The following DTNB variants were observed in gnomAD, a reference collection of about 807,000 sequenced individuals.
DTNB encodes the protein DTN-B.
A neutral mutation model predicts 90.7 loss-of-function variants in DTNB; 63 were observed. The observed-to-expected ratio is 0.69, with a 90% CI of 0.57 to 0.86. DTNB has a LOEUF of 0.86. DTNB is among the 40% of genes least tolerant of loss of function. The pLI is 0.00. For missense variants in DTNB, 744 were observed against 807.1 expected (o/e 0.92, Z 0.95); for synonymous variants, 277 against 286.7 (o/e 0.97, Z 0.34).
intron 2 of DTNB, among the ~76,000 whole-genome samples, chr2:25,642,067 G>A (rs146668033): frequency 0.014 from 2,112 of 152,156 alleles, 30 homozygotes; most frequent in African/African-American, 0.048. Flanking sequence ...TGATCCACCC[G>A]CCTCAGCCTC....
intron 9 of DTNB, among the ~76,000 whole-genome samples, chr2:25,485,158 C>CTA (rs1009764545): frequency 2.0e-5 from 3 of 151,822 alleles, no homozygotes; most frequent in Admixed American, 6.6e-5. Flanking sequence ...CAGTTACCTG[C>CTA]TATATATATA....
At chr2:25,421,894 G>C (rs902074673) in intron 15 of DTNB, among the ~76,000 whole-genome samples, 4 of 152,226 alleles carry the variant, frequency 2.6e-5, no homozygotes, top group African/African-American at 9.7e-5. Flanking sequence ...GGTTAGGCTG[G>C]GGACAGTGGG....
intron 16 of DTNB, among the ~76,000 whole-genome samples, chr2:25,408,328 G>A (rs548560212): frequency 2.0e-5 from 3 of 148,088 alleles, no homozygotes; most frequent in South Asian, 2.1e-4. Flanking sequence ...AAAAGAGTTC[G>A]AGACCAGCTT....
intron 8 of DTNB, among the ~76,000 whole-genome samples, chr2:25,575,607 T>C (rs1572822023): frequency 6.6e-6 from 1 of 151,144 alleles, no homozygotes; most frequent in African/African-American, 2.4e-5. Flanking sequence ...TTTTCCTTTT[T>C]TCTTTAATTC....
At chr2:25,461,940 G>A (rs560015760) in intron 10 of DTNB, among the ~76,000 whole-genome samples, 68 of 152,328 alleles carry the variant, frequency 4.5e-4, no homozygotes, top group African/African-American at 1.6e-3. Flanking sequence ...AACACTCCGT[G>A]AGGCTCCGTG....
At chr2:25,660,645 C>T (rs893653540) in intron 1 of DTNB, among the ~76,000 whole-genome samples, 1 of 152,016 alleles carries the variant, frequency 6.6e-6, no homozygotes, top group Admixed American at 6.5e-5. Context: ...CTAAGGTAAT[C>T]GTTTTCACTA....
chr2:25,627,360 C>T (rs1252723305), intron 4 of DTNB, among the ~76,000 whole-genome samples: 1 of 151,388 alleles, frequency 6.6e-6, no homozygotes, highest in Non-Finnish European at 1.5e-5. Context: ...AGTGGTGAGC[C>T]GAGCTTGCAC....
At chr2:25,564,825 G>A (rs2151227682) in intron 8 of DTNB, among the ~76,000 whole-genome samples, 1 of 152,176 alleles carries the variant, frequency 6.6e-6, no homozygotes, top group Middle Eastern at 3.4e-3. Flanking sequence ...ATTGTTCATT[G>A]TCAATATAGA....
rs932518163 is a variant in DTNB at position 25,387,808 on chromosome 2, C to T, written c.1735+394G>A. 3.0e-4 allele frequency among the ~76,000 whole-genome samples: 45 copies of T among 152,216 alleles called. No homozygotes were observed. Among genetic ancestry groups the T allele is most frequent in the African/African-American group, 1.0e-3 (42 of 41,458 alleles). The stretch of plus-strand genomic sequence containing the variant: ...TAATACTGCTGGTCACCAGCTCCCC[C>T]GATGACTGTGACAATGGCGTGCATA... On this transcript the variant is annotated intron_variant, in intron 17 of 20. Coordinates refer to ENST00000406818, the MANE Select transcript of DTNB (RefSeq NM_021907.5). This position sits in a 1 kb window ranked among gnomAD's most constrained non-coding sequence, Gnocchi z 4.5.
At position 25,583,943 on chromosome 2, in the gene DTNB, G is replaced by A. The variant is rs550793870; in HGVS notation, c.604-3117C>T. Among the ~76,000 whole-genome samples, 18 of 152,092 alleles carry A rather than the reference G, an allele frequency of 1.2e-4. No homozygotes were observed. In the South Asian group the frequency reaches 3.5e-3, roughly 30 times the overall value. The stretch of plus-strand genomic sequence containing the variant: ...ATTGTCCTAAAGTCACACCATATAT[G>A]ACGTTTTCCAAAAACATGAGGAATG... On this transcript the variant is annotated intron_variant, in intron 6 of 20. Transcript: ENST00000406818.
chr2:25,455,860 C>T (rs959720458), intron 10 of DTNB, among the ~76,000 whole-genome samples: 3 of 152,222 alleles, frequency 2.0e-5, no homozygotes, highest in Admixed American at 6.5e-5. Flanking sequence ...TGAGGCACAG[C>T]CAATCTACTA....
intron 2 of DTNB, among the ~76,000 whole-genome samples, chr2:25,642,627 G>A (rs1476080993): frequency 6.6e-6 from 1 of 151,904 alleles, no homozygotes; most frequent in Non-Finnish European, 1.5e-5. Flanking sequence ...GCCCAGGCTG[G>A]TCTTGAACTC....
intron 10 of DTNB, among the ~76,000 whole-genome samples, chr2:25,465,405 A>T (rs1023009204): frequency 3.3e-5 from 5 of 152,148 alleles, no homozygotes; most frequent in African/African-American, 9.6e-5. Flanking sequence ...AAAGAAACAA[A>T]GGAAGGGGTA....
intron 4 of DTNB, among the ~76,000 whole-genome samples, chr2:25,616,950 A>AAC (rs2070857327): frequency 7.6e-6 from 1 of 131,644 alleles, no homozygotes; most frequent in Non-Finnish European, 1.6e-5. Context: ...AAAAAAAAAA[A>AAC]AAGGAAAAAA....
intron 1 of DTNB, among the ~76,000 whole-genome samples, chr2:25,659,831 G>A (rs1559420083): frequency 4.0e-5 from 6 of 151,656 alleles, no homozygotes; most frequent in African/African-American, 1.5e-4. Context: ...AAAAGACAAG[G>A]AAACACTTAC....
chr2:25,500,208 T>C (rs1338691933), intron 9 of DTNB, among the ~76,000 whole-genome samples: 1 of 152,164 alleles, frequency 6.6e-6, no homozygotes, highest in Non-Finnish European at 1.5e-5. Context: ...GCCATCTACT[T>C]ACCATTCTAA....
At chr2:25,527,476 T>C (rs1372400867) in intron 9 of DTNB, among the ~76,000 whole-genome samples, 2 of 151,674 alleles carry the variant, frequency 1.3e-5, no homozygotes, top group African/African-American at 4.8e-5. Context: ...TGAGCTGAGA[T>C]TGCCACTGCA....
In DTNB at chr2:25,433,941, G is replaced by C. The variant is rs771730914; in HGVS notation, c.1312C>G (p.Gln438Glu). The C allele has an allele frequency of 1.9e-6, 3 of 1,613,674 alleles. No homozygotes were observed. In the South Asian group the frequency reaches 3.3e-5, roughly 18 times the overall value. Residue 438 changes from glutamine to glutamate, a missense_variant, in exon 13 of 21, where the codon CAG becomes GAG. Physicochemically the swap from Gln to Glu is conservative, Grantham distance 29. Coordinates refer to ENST00000406818, the MANE Select transcript of DTNB (RefSeq NM_021907.5). The stretch of plus-strand genomic sequence containing the variant: ...TTGTTTTCCAGTTCTGCAATAAGCT[G>C]TCTTTGTTGTTTGTTGGCATCAAAG... The part of the protein sequence containing the change: ...FNFDANKQQR[Q>E]LIAELENKNR...
chr2:25,499,317 T>C (rs536438010), intron 9 of DTNB, among the ~76,000 whole-genome samples: 1 of 152,304 alleles, frequency 6.6e-6, no homozygotes, highest in African/African-American at 2.4e-5. Context: ...GTGACCTGCA[T>C]GACTTTGGAC....
Sources: gnomAD v4.1 joint callset for allele counts (sites outside exome capture counted in the v4.1 genomes callset) on GRCh38, gnomAD v4.1.1 for gene constraint, Gnocchi (gnomAD v3.1) non-coding constraint, MANE v1.5 for transcripts, NCBI Gene and HGNC (gene_info 2026-07-23, HGNC 2026-07-21) for gene names.